ABCA12: variants seen among roughly 807,000 people sequenced by gnomAD.
ABCA12 encodes the protein ATP binding cassette subfamily A member 12.
In ABCA12, 156 loss-of-function variants were observed where a neutral mutation model predicts 293.5. The ratio of observed to expected loss-of-function variants is 0.53; its 90% CI spans 0.47 to 0.61. ABCA12 has a LOEUF of 0.61. Ranked by LOEUF, ABCA12 falls within the 20% of genes least tolerant of loss-of-function variation. The probability of loss-of-function intolerance (pLI) is 0.00; values close to 1 mark genes in which losing one functional copy is unlikely to be tolerated. For synonymous variants in ABCA12, 1,063 were observed against 1,108.0 expected, an observed-to-expected ratio of 0.96 and a Z score of 0.81; for missense variants, 2,797 against 3,090.2, an observed-to-expected ratio of 0.91 and a Z score of 2.25.
At chr2:215,123,915 G>A (rs13430789) in intron 1 of ABCA12, among the ~76,000 whole-genome samples, 26,343 of 151,772 alleles carry the variant, frequency 0.17, 2,719 homozygotes, top group African/African-American at 0.26. Flanking sequence ...TCTATCCCTC[G>A]CCCCCCTCTC....
intron 7 of ABCA12, among the ~76,000 whole-genome samples, chr2:215,037,857 G>T (rs1300181177): frequency 6.6e-6 from 1 of 152,146 alleles, no homozygotes; most frequent in Non-Finnish European, 1.5e-5. Context: ...ACTGTGATTT[G>T]TATCAACAGT....
chr2:215,072,682 G>A (rs1701760157), intron 2 of ABCA12, among the ~76,000 whole-genome samples: 1 of 152,166 alleles, frequency 6.6e-6, no homozygotes, highest in Admixed American at 6.5e-5. Flanking sequence ...ATTCAAGGCT[G>A]GGAGATATAA....
At chr2:215,054,337 T>G (rs10206806) in intron 4 of ABCA12, among the ~76,000 whole-genome samples, 1 of 151,906 alleles carries the variant, frequency 6.6e-6, no homozygotes, top group African/African-American at 2.4e-5. Flanking sequence ...ATTCTCAACA[T>G]GTAGGCTTTT....
At chr2:215,086,853 A>G (rs193105794) in intron 2 of ABCA12, among the ~76,000 whole-genome samples, 2 of 152,252 alleles carry the variant, frequency 1.3e-5, no homozygotes, top group African/African-American at 4.8e-5. Context: ...CACTGTAAAC[A>G]CACCAACTGC....
At chr2:215,037,099 G>C (rs1701010709) in intron 7 of ABCA12, 34 bp from the exon 8 acceptor site, 1 of 1,564,652 alleles carries the variant, frequency 6.4e-7, no homozygotes, top group South Asian at 1.1e-5. Flanking sequence ...ACCAGATTCT[G>C]TTTCAAGGTT....
chr2:215,023,454 T>C (rs1315051989), intron 11 of ABCA12: 1 of 152,190 alleles, frequency 6.6e-6, no homozygotes, highest in Non-Finnish European at 1.5e-5. Context: ...TTTTCCATAA[T>C]GTAACCCTGA....
intron 2 of ABCA12, among the ~76,000 whole-genome samples, chr2:215,109,008 A>G (rs1702516814): frequency 6.6e-6 from 1 of 151,876 alleles, no homozygotes; most frequent in Non-Finnish European, 1.5e-5. Context: ...CAGAGGTGGC[A>G]GCGAGCCGAG....
intron 2 of ABCA12, among the ~76,000 whole-genome samples, chr2:215,109,064 C>CAA (rs1248025447): frequency 7.3e-6 from 1 of 136,338 alleles, no homozygotes; most frequent in Non-Finnish European, 1.6e-5. Flanking sequence ...AAGACTGTCT[C>CAA]AAAAAAAAAA....
rs2105988792 is a variant in ABCA12, at chr2:215,000,801, A to G, written c.3083T>C (p.Ile1028Thr). The G allele has an allele frequency of 4.3e-6, 7 of 1,614,104 alleles. No individual in the cohort carries two copies. The highest frequency in any genetic ancestry group is 5.1e-6 in the Non-Finnish European group (6 of 1,179,980). ...GRAFIYLQDS[I>T]ERAIIELQTG... ...TTGCAATTCAATGATTGCTCTTTCA[A>G]TACTATCCTGTAAATAAATAAAAGC... Residue 1028 changes from isoleucine (I) to threonine (T), a missense_variant, in exon 22 of 53, where the codon ATT becomes ACT. Physicochemically the swap from Ile to Thr is moderately conservative, Grantham distance 89 (BLOSUM62 -1). Transcript: ENST00000272895.
chr2:215,110,697 C>G (rs1044335120), intron 2 of ABCA12, among the ~76,000 whole-genome samples: 2 of 152,154 alleles, frequency 1.3e-5, no homozygotes, highest in African/African-American at 4.8e-5. Context: ...CTGGGTGATT[C>G]AAAAACACTA....
At position 215,090,330 on chromosome 2, in the gene ABCA12, G is replaced by C. The variant is rs190406247; in HGVS notation, c.163+21267C>G. Among the ~76,000 whole-genome samples, 79 of 152,290 alleles carry C rather than the reference G, an allele frequency of 5.2e-4. No individual in the cohort carries two copies. In the East Asian group the frequency reaches 9.7e-3, roughly 19 times the overall value. On this transcript the variant is annotated intron_variant, in intron 2 of 52. Transcript: ENST00000272895. ...CATTTGGTGCTGAAGACCCGGGACA[G>C]GAGGACTCCTTTGGGAGACCAGTCC...
At chr2:215,052,162 T>C (rs1701332713) in intron 5 of ABCA12, among the ~76,000 whole-genome samples, 1 of 152,164 alleles carries the variant, frequency 6.6e-6, no homozygotes, top group Non-Finnish European at 1.5e-5. Context: ...AAGAGCATTA[T>C]AACTTCATTT....
intron 2 of ABCA12, among the ~76,000 whole-genome samples, chr2:215,086,928 ATTATTATTATTATTATTATTATTATTATT>A (rs1338801781): frequency 6.3e-3 from 38 of 6,068 alleles, no homozygotes; most frequent in African/African-American, 6.5e-3. Context: ...GTTTATTATT[ATTATTATTATTATTATTATTATTATTATT>A]TTATGACAGA....
At chr2:215,001,421 G>T in intron 21 of ABCA12, 137 bp downstream of exon 21, 1 of 1,034,780 alleles carries the variant, frequency 9.7e-7, no homozygotes, top group Non-Finnish European at 1.5e-6. Context: ...TACATGAAAG[G>T]TTCTCTTTTC....
At chr2:215,071,642 T>C (rs1469730243) in intron 2 of ABCA12, among the ~76,000 whole-genome samples, 1 of 152,180 alleles carries the variant, frequency 6.6e-6, no homozygotes, top group Non-Finnish European at 1.5e-5. Context: ...TTGAAGATAA[T>C]GGATTTTGCC....
chr2:214,960,563 C>T (rs1699083404), intron 39 of ABCA12: 1 of 152,056 alleles, frequency 6.6e-6, no homozygotes, highest in Non-Finnish European at 1.5e-5. Context: ...CTACAGCATC[C>T]AGCATGATGT....
chr2:214,949,200 A>T, intron 45 of ABCA12, 51 bp from the exon 46 acceptor site: 1 of 1,311,296 alleles, frequency 7.6e-7, no homozygotes, highest in Non-Finnish European at 1.1e-6. Flanking sequence ...AACCAATGAG[A>T]CATTGCTTTT....
At position 215,115,091 on chromosome 2, in the gene ABCA12, A is replaced by C. The variant is rs181916106; in HGVS notation, c.70-3401T>G. 1.9e-4 allele frequency among the ~76,000 whole-genome samples: 29 copies of C among 152,350 alleles called. No homozygotes were observed. In the East Asian group the frequency reaches 2.5e-3, roughly 13 times the overall value. On this transcript the variant is annotated intron_variant, in intron 1 of 52. Transcript: ENST00000272895. ...ATATTTTGAATCCAGACAAAAATGC[A>C]ATCTATACCAGAGACGTTTAAGGCA...
In ABCA12 at chr2:215,015,433, A is replaced by G. The variant is rs112569971; in HGVS notation, c.1956+57T>C. 189 of 1,472,202 alleles carry G rather than the reference A, an allele frequency of 1.3e-4. No homozygotes were observed. The African/African-American group carries it at 2.5e-3, about 19-fold the overall frequency. 91.2% of individuals were successfully genotyped at this position (1,472,202 alleles called of 1,614,324 possible). ...TAGTATCAGAGAACATAAATGTATA[A>G]TTAAATAGTTTTATATAAACCATGA... On this transcript the variant is annotated intron_variant, in intron 15 of 52. Transcript: ENST00000272895.
Sources: allele counts gnomAD v4.1 joint callset (sites outside exome capture counted in the v4.1 genomes callset), GRCh38; gene constraint gnomAD v4.1.1; transcripts MANE v1.5; gene names NCBI Gene and HGNC (gene_info 2026-07-23, HGNC 2026-07-21).